Variants in CORO2B observed in about 807,000 individuals in gnomAD.
CORO2B encodes the protein coronin-2B.
Under a neutral mutation model 58.8 loss-of-function variants are expected in CORO2B, and 26 were observed. The ratio of observed to expected loss-of-function variants is 0.44; its 90% confidence interval spans 0.32 to 0.61. The LOEUF is 0.61. Among genes scored for constraint, CORO2B ranks in the 20% least tolerant of loss-of-function variants. CORO2B has a pLI of 0.04. For missense variants in CORO2B, 460 were observed against 645.1 expected (o/e 0.71, Z 3.11); for synonymous variants, 242 against 253.8 (o/e 0.95, Z 0.44).
intron 3 of CORO2B, among the ~76,000 whole-genome samples, chr15:68,697,584 A>G (rs1403434634): frequency 6.6e-6 from 1 of 152,126 alleles, no homozygotes; most frequent in African/African-American, 2.4e-5. Flanking sequence ...GGCTCCTGAG[A>G]GTGGCAGCAG....
At chr15:68,676,096 C>T (rs1476976224) in intron 2 of CORO2B, among the ~76,000 whole-genome samples, 1 of 152,158 alleles carries the variant, frequency 6.6e-6, no homozygotes, top group African/African-American at 2.4e-5. Context: ...CTGATAGGCT[C>T]AGCTTGAGTT....
At chr15:68,545,070 G>A in the CORO2B span, among the ~76,000 whole-genome samples, 10 of 152,214 alleles carry the variant, frequency 6.6e-5, no homozygotes, top group East Asian at 1.9e-4. Context: ...CACCACGCCC[G>A]GCCTGCAAGG....
At chr15:68,667,975 G>A (rs1902250369) in intron 2 of CORO2B, among the ~76,000 whole-genome samples, 1 of 152,216 alleles carries the variant, frequency 6.6e-6, no homozygotes. Context: ...ACCTGGCAGG[G>A]TTGTCATGAT....
At chr15:68,719,021 C>G in intron 9 of CORO2B, 123 bp from the exon 10 acceptor site, 1 of 906,730 alleles carries the variant, frequency 1.1e-6, no homozygotes, top group Non-Finnish European at 1.8e-6. Flanking sequence ...AGACACAGTG[C>G]AAAGGCATAG....
Position 68,583,705 on chromosome 15 carries a change from C to T in CORO2B, c.15+4428C>T, listed in dbSNP as rs191386736. 1.5e-3 allele frequency among the ~76,000 whole-genome samples: 234 copies of T among 152,318 alleles called. 1 individual carries two copies. The highest frequency in any genetic ancestry group is 5.3e-3 in the African/African-American group (219 of 41,564). ...GGCCCCTCTGCCTCCAGTTCCCTGA[C>T]GCAGAATCTAGGTACCCAGGAGATA... On this transcript the variant is annotated intron_variant, in intron 1 of 11. Coordinates refer to ENST00000261861, the MANE Select transcript of CORO2B (RefSeq NM_006091.5).
intron 8 of CORO2B, among the ~76,000 whole-genome samples, chr15:68,716,166 A>G (rs1302557198): frequency 1.3e-5 from 2 of 151,722 alleles, no homozygotes; most frequent in Admixed American, 1.3e-4. Context: ...CATCAACTTT[A>G]CTCTTCCCCA....
chr15:68,545,094 G>A, the CORO2B span, among the ~76,000 whole-genome samples: 3 of 152,124 alleles, frequency 2.0e-5, no homozygotes, highest in South Asian at 2.1e-4. Context: ...ATTCTTGCAC[G>A]GGTGGGAATC....
chr15:68,579,309 C>T lies in CORO2B; in HGVS notation c.15+32C>T. 1.6e-6 allele frequency: 2 copies of T among 1,279,874 alleles called. 1 individual carries two copies. Among genetic ancestry groups the T allele is most frequent in the Admixed American group, 6.8e-5 (2 of 29,376 alleles). 79.3% of individuals were successfully genotyped at this position (1,279,874 alleles called of 1,614,324 possible). A position where few individuals can be genotyped will look rare whatever the true frequency, so the allele number is the denominator to read the frequency against. On this transcript the variant is annotated intron_variant, in intron 1 of 11. Transcript: ENST00000261861. Reference sequence around the variant, plus strand: ...GCCGCTCGCCCGCCGCGCCCGGGACCCGCCGGCGCCTGCATCCCCCGGGCT... The same window carrying T: ...GCCGCTCGCCCGCCGCGCCCGGGACTCGCCGGCGCCTGCATCCCCCGGGCT...
chr15:68,561,906 CGTGA>C, the CORO2B span, among the ~76,000 whole-genome samples: 3 of 152,008 alleles, frequency 2.0e-5, no homozygotes, highest in East Asian at 1.9e-4. Flanking sequence ...TGAGCATGAC[CGTGA>C]GTGTGTGTTG....
the CORO2B span, among the ~76,000 whole-genome samples, chr15:68,552,476 G>GT: frequency 1.9e-3 from 194 of 104,246 alleles, no homozygotes; most frequent in South Asian, 0.017. Context: ...ACGCGGGGGG[G>GT]TGGGGGGGGC....
chr15:68,621,243 C>G (rs986449952), intron 1 of CORO2B, among the ~76,000 whole-genome samples: 6 of 152,280 alleles, frequency 3.9e-5, no homozygotes, highest in Admixed American at 1.3e-4. Flanking sequence ...GAGGCACAGA[C>G]AAATCACACA....
chr15:68,549,794 A>G, the CORO2B span, among the ~76,000 whole-genome samples: 1 of 152,040 alleles, frequency 6.6e-6, no homozygotes, highest in South Asian at 2.1e-4. Context: ...CAAAACAACT[A>G]TCTGGGCATT....
chr15:68,616,572 T>C, intron 1 of CORO2B: 1 of 985,446 alleles, frequency 1.0e-6, no homozygotes. Flanking sequence ...CGTGGGCCAT[T>C]GTGCAAGTCT....
intron 2 of CORO2B, among the ~76,000 whole-genome samples, chr15:68,665,228 G>A (rs1479353687): frequency 6.6e-6 from 1 of 152,028 alleles, no homozygotes; most frequent in African/African-American, 2.4e-5. Flanking sequence ...TCCAGGTAAT[G>A]AGTAATCCTT....
At chr15:68,597,535 A>G (rs1899866537) in intron 1 of CORO2B, among the ~76,000 whole-genome samples, 1 of 151,974 alleles carries the variant, frequency 6.6e-6, no homozygotes, top group South Asian at 2.1e-4. Context: ...ATTGTGCCCC[A>G]GGGCCCATGC....
chr15:68,682,250 A>C (rs1902815709), intron 2 of CORO2B, among the ~76,000 whole-genome samples: 1 of 152,192 alleles, frequency 6.6e-6, no homozygotes, highest in South Asian at 2.1e-4. Context: ...TGCACAAGGA[A>C]AGTAATAATT....
At chr15:68,687,541 G>GC (rs942790497) in intron 2 of CORO2B, among the ~76,000 whole-genome samples, 13 of 152,184 alleles carry the variant, frequency 8.5e-5, no homozygotes, top group African/African-American at 3.1e-4. Flanking sequence ...CCAAGGGAGG[G>GC]CCCGGCCATG....
intron 1 of CORO2B, among the ~76,000 whole-genome samples, chr15:68,640,172 G>A (rs192380555): frequency 2.0e-5 from 3 of 152,306 alleles, no homozygotes; most frequent in African/African-American, 4.8e-5. Context: ...GTGTGTACTC[G>A]TGCCTGGCCT....
intron 2 of CORO2B, among the ~76,000 whole-genome samples, chr15:68,646,991 G>C (rs561339653): frequency 6.6e-5 from 10 of 152,158 alleles, no homozygotes; most frequent in Non-Finnish European, 1.5e-4. Flanking sequence ...CATGTGGGCT[G>C]GTTCTTACTG....
Sources: gnomAD v4.1 joint callset for allele counts (sites outside exome capture counted in the v4.1 genomes callset) on GRCh38, gnomAD v4.1.1 for gene constraint, MANE v1.5 for transcripts, NCBI Gene and HGNC (gene_info 2026-07-23, HGNC 2026-07-21) for gene names.